The following F8 variants were observed in gnomAD, a reference collection of about 807,000 sequenced individuals.
The protein encoded by F8 is antihemophilic factor.
Under a neutral mutation model 140.6 loss-of-function variants are expected in F8, and 12 were observed. The observed-to-expected ratio is 0.09, with a 90% confidence interval of 0.05 to 0.14. F8 has a LOEUF of 0.14. F8 is among the 10% of genes least tolerant of loss of function. F8 has a pLI of 1.00. For synonymous variants in F8, 585 were observed against 614.6 expected, an observed-to-expected ratio of 0.95 and a Z score of 0.71; for missense variants, 1,354 against 1,720.7, an observed-to-expected ratio of 0.79 and a Z score of 3.77.
rs782115513 is a variant in F8, at chrX:154,931,491, G to A, written c.2299C>T (p.His767Tyr). The A allele has an allele frequency of 2.3e-5, 28 of 1,210,162 alleles. No homozygotes were observed. Among genetic ancestry groups the A allele is most frequent in the Admixed American group, 8.7e-5 (4 of 45,798 alleles). The change falls in exon 14 of 26, where the codon CAC becomes TAC. Residue 767 changes from histidine (H) to tyrosine (Y), a missense_variant. This residue lies in a region of F8 where 658 missense variants were observed against 666.5 expected (regional missense o/e 0.99). Coordinates refer to ENST00000360256, the MANE Select transcript of F8 (RefSeq NM_000132.4). The stretch of plus-strand genomic sequence containing the variant: ...AATTGCTTTTGCCTAGTGCTAGGGT[G>A]TCTTGAATTCTGGGAGAAGCTTCTT... ...EPRSFSQNSRHPSTRQKQFNA... is the reference protein window; with the variant it reads ...EPRSFSQNSRYPSTRQKQFNA...
chrX:154,839,564 G>A (rs1265857753), intron 25 of F8, among the ~76,000 whole-genome samples: 3 of 109,881 alleles, frequency 2.7e-5, no homozygotes, highest in Non-Finnish European at 5.7e-5. Context: ...GGGTTTCACT[G>A]TGTTAGCCAG....
intron 22 of F8, among the ~76,000 whole-genome samples, chrX:154,869,514 C>T (rs781893228): frequency 8.1e-5 from 9 of 111,671 alleles, no homozygotes; most frequent in East Asian, 5.6e-4. Context: ...GAAGACACAG[C>T]GTACCAGAAT....
intron 6 of F8, among the ~76,000 whole-genome samples, chrX:154,975,565 C>T (rs933098432): frequency 3.6e-5 from 4 of 112,218 alleles, no homozygotes; most frequent in Non-Finnish European, 5.6e-5. Flanking sequence ...CCGTAAATGT[C>T]TGTTTGCTCT....
At chrX:154,921,003 G>A (rs193175332) in intron 14 of F8, among the ~76,000 whole-genome samples, 69 of 111,636 alleles carry the variant, frequency 6.2e-4, no homozygotes, top group African/African-American at 2.2e-3. Flanking sequence ...TCTTCAGCTT[G>A]AAGAACTCCT....
chrX:154,846,612 CT>C (rs1349882851), intron 25 of F8, among the ~76,000 whole-genome samples: 1 of 111,340 alleles, frequency 9.0e-6, no homozygotes, highest in African/African-American at 3.3e-5. Flanking sequence ...CCCTGCTTTT[CT>C]TTTTTTGTTT....
intron 5 of F8, among the ~76,000 whole-genome samples, chrX:154,987,035 G>A (rs781855344): frequency 2.1e-4 from 24 of 112,040 alleles, no homozygotes; most frequent in Admixed American, 3.8e-4. Flanking sequence ...AGGCCAGTCC[G>A]TTATCCAGCT....
In F8 at chrX:155,021,202, ATGTCCAAGAAAACCTTTG is replaced by A. The variant is rs782332653; in HGVS notation, c.143+1190_143+1207del. ...ATGTCCCAATTTTATAAAACAAATA[ATGTCCAAGAAAACCTTTG>A]TGTGTGTGTATGTGTATGTGAATAT... is the stretch of plus-strand genomic sequence containing the variant. On this transcript the variant is annotated intron_variant, in intron 1 of 25. Coordinates refer to ENST00000360256, the MANE Select transcript of F8 (RefSeq NM_000132.4). Among the ~76,000 whole-genome samples the A allele has an allele frequency of 4.9e-3, 544 of 111,699 alleles. 2 individuals are homozygous for A. Among genetic ancestry groups the A allele is most frequent in the Non-Finnish European group, 8.0e-3 (423 of 53,091 alleles).
chrX:154,903,549 T>G (rs1181193355), intron 18 of F8, among the ~76,000 whole-genome samples: 3 of 111,827 alleles, frequency 2.7e-5, no homozygotes, highest in African/African-American at 9.8e-5. Flanking sequence ...TGAGTAGTGC[T>G]TAATCAATAT....
chrX:155,004,067 A>T (rs782249783), intron 1 of F8, among the ~76,000 whole-genome samples: 3 of 111,009 alleles, frequency 2.7e-5, no homozygotes, highest in South Asian at 3.7e-4. Context: ...AAGACAAAAA[A>T]TGTTGTAAGA....
chrX:154,980,688 G>A (rs782796367), intron 6 of F8, among the ~76,000 whole-genome samples: 1 of 111,954 alleles, frequency 8.9e-6, no homozygotes, highest in Non-Finnish European at 1.9e-5. Flanking sequence ...GCTGAGTGTG[G>A]TGGCTCATAC....
chrX:154,991,585 T>C (rs2073588773), intron 4 of F8, among the ~76,000 whole-genome samples: 2 of 112,150 alleles, frequency 1.8e-5, no homozygotes, highest in Admixed American at 1.9e-4. Context: ...AAGAATCATT[T>C]GGGTTTTTAA....
At chrX:154,876,767 G>A (rs1322668434) in intron 22 of F8, among the ~76,000 whole-genome samples, 1 of 110,971 alleles carries the variant, frequency 9.0e-6, no homozygotes, top group Non-Finnish European at 1.9e-5. Context: ...TCTGGGGTGG[G>A]ATGGTGCAAA....
rs991973177 is a variant in F8, at chrX:154,969,308, A to T, written c.1009+23T>A. On this transcript the variant is annotated intron_variant, in intron 7 of 25. Coordinates refer to ENST00000360256, the MANE Select transcript of F8 (RefSeq NM_000132.4). ...GTAGGACTGGATATTTATAATATTC[A>T]TTTTAAAGATCCAAGATATTACCAT... 6.9e-6 allele frequency: 8 copies of T among 1,162,689 alleles called. No homozygotes were observed. In the African/African-American group the frequency reaches 8.9e-5, roughly 13 times the overall value.
intron 21 of F8, among the ~76,000 whole-genome samples, chrX:154,896,934 T>C (rs1359673025): frequency 8.9e-6 from 1 of 112,232 alleles, no homozygotes; most frequent in South Asian, 3.6e-4. Context: ...TCTCAACTTA[T>C]CTGTAAAGTG....
intron 22 of F8, among the ~76,000 whole-genome samples, chrX:154,895,078 C>G (rs1278747287): frequency 1.8e-5 from 2 of 112,050 alleles, no homozygotes; most frequent in Non-Finnish European, 3.8e-5. Context: ...AAAAGCCACT[C>G]TGAGGGAAAC....
intron 13 of F8, among the ~76,000 whole-genome samples, chrX:154,943,244 G>A (rs2073280722): frequency 8.9e-6 from 1 of 111,813 alleles, no homozygotes; most frequent in African/African-American, 3.3e-5. Context: ...GTTTGCAGAT[G>A]TCAGGATTGT....
chrX:154,849,430 T>C (rs2072596685), intron 25 of F8, among the ~76,000 whole-genome samples: 1 of 108,468 alleles, frequency 9.2e-6, no homozygotes, highest in East Asian at 2.9e-4. Flanking sequence ...GTTTTAGATA[T>C]GACTCATAAA....
At chrX:154,900,676 C>T (rs1339613335) in intron 20 of F8, among the ~76,000 whole-genome samples, 2 of 112,143 alleles carry the variant, frequency 1.8e-5, no homozygotes, top group South Asian at 3.6e-4. Flanking sequence ...ACTCTCACGC[C>T]TCCTTTTCAA....
At chrX:154,932,607 G>A (rs1365252893) in intron 13 of F8, among the ~76,000 whole-genome samples, 1 of 111,690 alleles carries the variant, frequency 9.0e-6, no homozygotes, top group African/African-American at 3.3e-5. Flanking sequence ...CAATCAAGTG[G>A]CAAAGGAGAA....
Sources: allele counts gnomAD v4.1 joint callset (sites outside exome capture counted in the v4.1 genomes callset), GRCh38; gene constraint gnomAD v4.1.1; regional missense constraint gnomAD v4.1.1; transcripts MANE v1.5; gene names NCBI Gene and HGNC (gene_info 2026-07-23, HGNC 2026-07-21).